Variants in RNFT2 observed in about 807,000 individuals in gnomAD.
RNFT2 encodes the protein ring finger protein, transmembrane 2, also known as E3 ubiquitin-protein ligase RNFT2.
In RNFT2, 36 loss-of-function variants were observed where a neutral mutation model predicts 53.0. The ratio of observed to expected loss-of-function variants is 0.68; its 90% confidence interval spans 0.52 to 0.90. The LOEUF is 0.90. Among genes scored for constraint, RNFT2 ranks in the 40% least tolerant of loss-of-function variants. The pLI is 0.00. For synonymous variants in RNFT2, 260 were observed against 253.2 expected (o/e 1.03, Z -0.26); for missense variants, 514 against 585.6 (o/e 0.88, Z 1.26).
At chr12:116,792,416 A>G (rs1418731182) in intron 7 of RNFT2, among the ~76,000 whole-genome samples, 2 of 152,086 alleles carry the variant, frequency 1.3e-5, no homozygotes, top group African/African-American at 4.8e-5. Context: ...AATTCCCCCA[A>G]GTCCAGGCCA....
At position 116,794,130 on chromosome 12, in the gene RNFT2, T is replaced by G. The variant is rs74483871; in HGVS notation, c.882+14782T>G. On this transcript the variant is annotated intron_variant, in intron 7 of 10. Transcript: ENST00000257575. ...AAACTAAAAACGTATCCAAGCATAG[T>G]GTCATGCACCTGCAGTCCCAGCTAT... Among the ~76,000 whole-genome samples, 1,945 of 152,042 alleles carry G rather than the reference T, an allele frequency of 0.013. 98 individuals are homozygous for G. The East Asian group carries it at 0.14, about 11-fold the overall frequency.
chr12:116,763,800 G>C lies in RNFT2; in HGVS notation c.628-3014G>C, dbSNP rs56120013. Among the ~76,000 whole-genome samples the C allele has an allele frequency of 9.3e-3, 1,369 of 147,444 alleles. 14 individuals carry two copies. The highest frequency in any genetic ancestry group is 0.015 in the Non-Finnish European group (1,013 of 66,914). On this transcript the variant is annotated intron_variant, in intron 5 of 10. Coordinates refer to ENST00000257575, the MANE Select transcript of RNFT2 (RefSeq NM_001382266.1). ...TCTCAAAAAAAAAAGGGGGCGGGGG[G>C]GGAAAGAACTAAAAGTAGAACTACC...
chr12:116,790,523 G>A (rs901268279), intron 7 of RNFT2, among the ~76,000 whole-genome samples: 1 of 152,192 alleles, frequency 6.6e-6, no homozygotes, highest in Non-Finnish European at 1.5e-5. Flanking sequence ...TTATAGCAGC[G>A]GGAGCAGCCA....
At chr12:116,800,819 A>G (rs1874738231) in intron 7 of RNFT2, among the ~76,000 whole-genome samples, 1 of 128,092 alleles carries the variant, frequency 7.8e-6, no homozygotes, top group African/African-American at 3.3e-5. Flanking sequence ...ATCTTAAAAT[A>G]AAATAAAATA....
intron 7 of RNFT2, among the ~76,000 whole-genome samples, chr12:116,794,614 G>A (rs1159686126): frequency 2.8e-5 from 4 of 144,754 alleles, no homozygotes; most frequent in African/African-American, 1.0e-4. Context: ...CAAAAGAAAG[G>A]AAAGAAAGGG....
At chr12:116,821,471 C>G (rs10850722) in intron 7 of RNFT2, among the ~76,000 whole-genome samples, 130,433 of 152,244 alleles carry the variant, frequency 0.86, 56,581 homozygotes, top group East Asian at 0.94. Context: ...ACAACCCCAC[C>G]ATCCTAACAG....
chr12:116,838,125 T>C (rs962043589), intron 10 of RNFT2, among the ~76,000 whole-genome samples: 4 of 152,210 alleles, frequency 2.6e-5, no homozygotes, highest in Non-Finnish European at 5.9e-5. Context: ...TCCTATTTTA[T>C]AGCTGCATAA....
intron 7 of RNFT2, among the ~76,000 whole-genome samples, chr12:116,798,681 G>A (rs182316908): frequency 5.9e-5 from 9 of 152,152 alleles, no homozygotes; most frequent in Non-Finnish European, 4.4e-5. Context: ...TGATTCTCCC[G>A]CCTCAGCCTC....
chr12:116,799,944 C>T (rs544501538), intron 7 of RNFT2, among the ~76,000 whole-genome samples: 1 of 152,262 alleles, frequency 6.6e-6, no homozygotes, highest in South Asian at 2.1e-4. Context: ...GGGTGAATCT[C>T]ATGTGAATGG....
intron 7 of RNFT2, among the ~76,000 whole-genome samples, chr12:116,831,670 A>T (rs1876655621): frequency 6.6e-6 from 1 of 152,080 alleles, no homozygotes; most frequent in African/African-American, 2.4e-5. Context: ...ACATATTTTT[A>T]CAGATATGGA....
intron 7 of RNFT2, among the ~76,000 whole-genome samples, chr12:116,779,559 C>T (rs1873596857): frequency 6.6e-6 from 1 of 152,220 alleles, no homozygotes; most frequent in Admixed American, 6.5e-5. Context: ...TGTCACACCT[C>T]TACTTTCCAA....
chr12:116,763,290 G>C (rs542765784), intron 5 of RNFT2, among the ~76,000 whole-genome samples: 2 of 151,928 alleles, frequency 1.3e-5, no homozygotes, highest in African/African-American at 2.4e-5. Flanking sequence ...CATCACTACC[G>C]ATCAGGGAAA....
Position 116,835,881 on chromosome 12 carries a change from A to T in RNFT2, c.1033-79A>T, listed in dbSNP as rs1876933548. 3 of 1,483,602 alleles carry T rather than the reference A, an allele frequency of 2.0e-6. 1 individual carries two copies. The South Asian group carries it at 3.4e-5, about 17-fold the overall frequency. The allele number at this position is 1,483,602 out of a possible 1,614,324, so 91.9% of individuals were successfully genotyped here. Reference sequence around the variant, plus strand: ...GAGTCAAAAATGGGTGGAGGGTCAGAGGATGGGGTGGGGTGATTGTGCAGG... The same window carrying T: ...GAGTCAAAAATGGGTGGAGGGTCAGTGGATGGGGTGGGGTGATTGTGCAGG... On this transcript the variant is annotated intron_variant, in intron 8 of 10. Coordinates refer to ENST00000257575, the MANE Select transcript of RNFT2 (RefSeq NM_001382266.1).
Position 116,837,119 on chromosome 12 carries a change from G to A in RNFT2, c.1200+837G>A, listed in dbSNP as rs955195101. 7.2e-5 allele frequency among the ~76,000 whole-genome samples: 11 copies of A among 152,206 alleles called. 1 individual carries two copies. The highest frequency in any genetic ancestry group is 3.4e-3 in the Middle Eastern group (1 of 294). ...AGTCGTGGGTCACCAGCCCACAGTC[G>A]TAAGTGCTGGCCGGTTCCTTTTAAA... is the stretch of plus-strand genomic sequence containing the variant. On this transcript the variant is annotated intron_variant, in intron 10 of 10. Coordinates refer to ENST00000257575, the MANE Select transcript of RNFT2 (RefSeq NM_001382266.1).
chr12:116,845,433 A>T (rs1238144093), intron 10 of RNFT2, among the ~76,000 whole-genome samples: 1 of 152,028 alleles, frequency 6.6e-6, no homozygotes, highest in Non-Finnish European at 1.5e-5. Context: ...CAGTAACAGG[A>T]TGGAATCGGG....
chr12:116,761,278 A>T (rs1230652280), intron 5 of RNFT2, among the ~76,000 whole-genome samples: 1 of 152,146 alleles, frequency 6.6e-6, no homozygotes, highest in African/African-American at 2.4e-5. Context: ...TCTCCCCAGT[A>T]GCTGGGACTA....
At chr12:116,743,991 G>A (rs1253212638) in intron 3 of RNFT2, among the ~76,000 whole-genome samples, 2 of 152,068 alleles carry the variant, frequency 1.3e-5, no homozygotes, top group Non-Finnish European at 2.9e-5. Flanking sequence ...CTTTGCGGGG[G>A]TAAGGCAGGC....
chr12:116,781,424 G>C (rs1873692404), intron 7 of RNFT2, among the ~76,000 whole-genome samples: 1 of 152,152 alleles, frequency 6.6e-6, no homozygotes, highest in Non-Finnish European at 1.5e-5. Context: ...GTGACAAATT[G>C]CTACAAACTT....
intron 1 of RNFT2, 185 bp downstream of exon 1, chr12:116,738,555 T>G (rs940266435): frequency 6.6e-6 from 1 of 151,810 alleles, no homozygotes; most frequent in Admixed American, 6.6e-5. Flanking sequence ...CTCCTCTGAG[T>G]GCATTTCGGT....
Sources: gnomAD v4.1 joint callset for allele counts (sites outside exome capture counted in the v4.1 genomes callset) on GRCh38, gnomAD v4.1.1 for gene constraint, MANE v1.5 for transcripts, NCBI Gene and HGNC (gene_info 2026-07-23, HGNC 2026-07-21) for gene names.